Variants in CACNG8 observed in about 807,000 individuals in gnomAD.
CACNG8 encodes calcium voltage-gated channel auxiliary subunit gamma 8.
CACNG8 carries 5 observed loss-of-function variants against 26.9 expected under a neutral mutation model. The ratio of observed to expected loss-of-function variants is 0.19; its 90% CI spans 0.10 to 0.39. The LOEUF (loss-of-function observed/expected upper bound fraction) is 0.39. Ranked by LOEUF, CACNG8 falls within the 10% of genes least tolerant of loss-of-function variation. The probability of loss-of-function intolerance (pLI) is 1.00; values close to 1 mark genes in which losing one functional copy is unlikely to be tolerated. For missense variants in CACNG8, 473 were observed against 609.4 expected, an observed-to-expected ratio of 0.78 and a Z score of 2.36; for synonymous variants, 321 against 296.7, an observed-to-expected ratio of 1.08 and a Z score of -0.84.
chr19:53,982,600 C>A lies in CACNG8; in HGVS notation c.1029C>A (p.Ala343=). ...CGTTCGGCGGCGCGGCCGGGGGCGC[C>A]GGGGGCGGCGGCGGAGGCGGCGGCG... is the stretch of plus-strand genomic sequence containing the variant. Residue 343 remains alanine (A), a synonymous_variant, in exon 4 of 4, where the codon GCC becomes GCA. Transcript: ENST00000270458. The surrounding 1 kb of genome is among the most constrained non-coding windows in gnomAD (Gnocchi z 8.4). The A allele has an allele frequency of 1.0e-6, 1 of 973,700 alleles. No individual in the cohort carries two copies. The highest frequency in any genetic ancestry group is 5.3e-4 in the Middle Eastern group (1 of 1,890). 60.3% of individuals were successfully genotyped at this position (973,700 alleles called of 1,614,324 possible).
chr19:53,973,894 G>C (rs2069316459), intron 1 of CACNG8, among the ~76,000 whole-genome samples: 1 of 152,204 alleles, frequency 6.6e-6, no homozygotes, highest in African/African-American at 2.4e-5. Flanking sequence ...TGGAGGTGCT[G>C]ATGGGTTAAG....
intron 1 of CACNG8, among the ~76,000 whole-genome samples, chr19:53,970,574 GA>G (rs1182578943): frequency 2.0e-5 from 3 of 150,512 alleles, no homozygotes; most frequent in Non-Finnish European, 4.4e-5. Flanking sequence ...GCTGTGAGCT[GA>G]GATGGCGCCA....
chr19:53,975,721 A>G (rs1336962566), intron 1 of CACNG8, among the ~76,000 whole-genome samples: 2 of 152,156 alleles, frequency 1.3e-5, no homozygotes, highest in African/African-American at 2.4e-5. Flanking sequence ...TAAGCACTCA[A>G]TATGCACTAG....
chr19:53,972,967 G>A (rs931534776), intron 1 of CACNG8, among the ~76,000 whole-genome samples: 7 of 152,108 alleles, frequency 4.6e-5, no homozygotes, highest in Admixed American at 1.3e-4. Context: ...AACTCCCTAT[G>A]CCTCCATTTC....
In CACNG8 at chr19:53,980,872, TAC is replaced by T. The variant is rs2069362536; in HGVS notation, c.508+867_508+868del. ...GCAGAGCTTTTTTGGAGGAGTAGAA[TAC>T]AGAGAAGAGGGAGGGCTTTGCATAT... On this transcript the variant is annotated intron_variant, in intron 3 of 3. Transcript: ENST00000270458. Among the ~76,000 whole-genome samples, 3 of 152,052 alleles carry T rather than the reference TAC, an allele frequency of 2.0e-5. No homozygotes were observed. The South Asian group carries it at 6.2e-4, about 32-fold the overall frequency.
intron 1 of CACNG8, among the ~76,000 whole-genome samples, chr19:53,976,761 C>T (rs1452578138): frequency 2.0e-5 from 3 of 152,114 alleles, no homozygotes; most frequent in African/African-American, 7.2e-5. Flanking sequence ...CAACCTCCAC[C>T]TCCTGGGTTC....
chr19:53,987,742 T>C lies in CACNG8; in HGVS notation c.*4893T>C, dbSNP rs1346699992. ...GAGGAACCAAGGCTTCTCTTTTGGA[T>C]GTGTCAAGATAGATCTGCCTTCGAG... On this transcript the variant is annotated 3_prime_UTR_variant, in exon 4 of 4. Transcript: ENST00000270458. 6.6e-6 allele frequency: 1 copy of C among 152,228 alleles called. No individual in the cohort carries two copies. Among genetic ancestry groups the C allele is most frequent in the Non-Finnish European group, 1.5e-5 (1 of 68,056 alleles). 9.4% of individuals were successfully genotyped at this position (152,228 alleles called of 1,614,324 possible). A position where few individuals can be genotyped will look rare whatever the true frequency, so the allele number is the denominator to read the frequency against.
chr19:53,982,829 A>G lies in CACNG8; in HGVS notation c.1258A>G (p.Arg420Gly). 2.2e-6 allele frequency: 3 copies of G among 1,370,516 alleles called. No individual in the cohort carries two copies. The highest frequency in any genetic ancestry group is 2.8e-6 in the Non-Finnish European group (3 of 1,055,340). The allele number at this position is 1,370,516 out of a possible 1,614,324, so 84.9% of individuals were successfully genotyped here. A position where few individuals can be genotyped will look rare whatever the true frequency, so the allele number is the denominator to read the frequency against. The change falls in exon 4 of 4, where the codon AGG becomes GGG. Residue 420 changes from arginine (R) to glycine (G), a missense_variant. Arg to Gly is a moderately radical substitution (Grantham distance 125, BLOSUM62 -2). Transcript: ENST00000270458. This position sits in a 1 kb window ranked among gnomAD's most constrained non-coding sequence, Gnocchi z 8.4. The stretch of plus-strand genomic sequence containing the variant: ...CGCCTCCAACACCAACACGCTCAAC[A>G]GGAAAACCACGCCTGTGTAGGGGCG...
intron 1 of CACNG8, among the ~76,000 whole-genome samples, chr19:53,964,425 C>A (rs993014149): frequency 6.6e-6 from 1 of 152,032 alleles, no homozygotes; most frequent in Non-Finnish European, 1.5e-5. Flanking sequence ...TCTCTCCCAC[C>A]AGGGTGCCCT....
At chr19:53,965,585 G>T (rs180883743) in intron 1 of CACNG8, among the ~76,000 whole-genome samples, 1 of 151,914 alleles carries the variant, frequency 6.6e-6, no homozygotes, top group African/African-American at 2.4e-5. Flanking sequence ...TTCATTCAAC[G>T]TCCCATTTTT....
chr19:53,964,412 A>G (rs754384905), intron 1 of CACNG8, among the ~76,000 whole-genome samples: 2 of 151,522 alleles, frequency 1.3e-5, no homozygotes, highest in Non-Finnish European at 2.9e-5. Flanking sequence ...GCCCCCACCC[A>G]TGTCTCTCCC....
chr19:53,976,743 G>T (rs1485432665), intron 1 of CACNG8, among the ~76,000 whole-genome samples: 1 of 151,822 alleles, frequency 6.6e-6, no homozygotes, highest in African/African-American at 2.4e-5. Flanking sequence ...TGCAGCCTTG[G>T]CTCACTGCAA....
At position 53,982,802 on chromosome 19, in the gene CACNG8, G is replaced by A; in HGVS notation, c.1231G>A (p.Ala411Thr). 7.3e-6 allele frequency: 10 copies of A among 1,368,738 alleles called. No individual in the cohort carries two copies. The highest frequency in any genetic ancestry group is 1.5e-5 in the African/African-American group (1 of 65,750). 84.8% of individuals were successfully genotyped at this position (1,368,738 alleles called of 1,614,324 possible). A position where few individuals can be genotyped will look rare whatever the true frequency, so the allele number is the denominator to read the frequency against. Residue 411 changes from alanine to threonine, a missense_variant, in exon 4 of 4, where the codon GCC (alanine) becomes ACC (threonine). Physicochemically the swap from Ala to Thr is moderately conservative, Grantham distance 58 (BLOSUM62 0). Transcript: ENST00000270458. This position sits in a 1 kb window ranked among gnomAD's most constrained non-coding sequence, Gnocchi z 8.4. ...CCCCGGGACCCTGGCCAAGGAGGCC[G>A]CCGCCTCCAACACCAACACGCTCAA...
At chr19:53,977,510 C>G (rs2069336557) in intron 1 of CACNG8, among the ~76,000 whole-genome samples, 1 of 152,148 alleles carries the variant, frequency 6.6e-6, no homozygotes, top group Admixed American at 6.5e-5. Context: ...CCCTCACACA[C>G]CTCTGCTTGC....
intron 2 of CACNG8, 63 bp from the exon 3 acceptor site, chr19:53,979,804 C>A: frequency 2.0e-6 from 3 of 1,494,608 alleles, no homozygotes; most frequent in Admixed American, 4.2e-5. Context: ...GGGAAGGGGG[C>A]GCAGGCGGCC....
At chr19:53,969,762 A>G (rs2069291492) in intron 1 of CACNG8, among the ~76,000 whole-genome samples, 2 of 152,164 alleles carry the variant, frequency 1.3e-5, no homozygotes, top group Non-Finnish European at 2.9e-5. Flanking sequence ...ATGCAGTAGA[A>G]TGTAATGACT....
chr19:53,972,943 T>C (rs2145936309), intron 1 of CACNG8, among the ~76,000 whole-genome samples: 1 of 152,294 alleles, frequency 6.6e-6, no homozygotes, highest in East Asian at 1.9e-4. Context: ...AATAGGGCTT[T>C]GGGCAACTTC....
chr19:53,978,980 G>A lies in CACNG8; in HGVS notation c.367+751G>A, dbSNP rs1164867153. Among the ~76,000 whole-genome samples the A allele has an allele frequency of 6.6e-5, 9 of 136,828 alleles. No individual in the cohort carries two copies. The East Asian group carries it at 2.1e-3, about 32-fold the overall frequency. The allele number at this position is 136,828 out of a possible 152,430, so 89.8% of individuals were successfully genotyped here. A position where few individuals can be genotyped will look rare whatever the true frequency, so the allele number is the denominator to read the frequency against. ...GGAGAGAGAGACCCAGGAAGATAGA[G>A]GAGGCCAGGCGAAAAAAGGGGTGGG... On this transcript the variant is annotated intron_variant, in intron 2 of 3. Transcript: ENST00000270458.
rs2069427429 is a variant in CACNG8, at chr19:53,989,460, G to GT, written c.*6612dup. ...CCCAGAGATTCGCATAGAAAGCAAC[G>GT]TGGAGACTCAGAAGCAAGCACAGCA... On this transcript the variant is annotated 3_prime_UTR_variant, in exon 4 of 4. Transcript: ENST00000270458. The GT allele has an allele frequency of 6.6e-6, 1 of 152,604 alleles. No homozygotes were observed. Among genetic ancestry groups the GT allele is most frequent in the African/African-American group, 2.4e-5 (1 of 41,344 alleles). 9.5% of individuals were successfully genotyped at this position (152,604 alleles called of 1,614,324 possible).
Sources: gnomAD v4.1 joint callset for allele counts (sites outside exome capture counted in the v4.1 genomes callset) on GRCh38, gnomAD v4.1.1 for gene constraint, Gnocchi (gnomAD v3.1) non-coding constraint, MANE v1.5 for transcripts, NCBI Gene and HGNC (gene_info 2026-07-23, HGNC 2026-07-21) for gene names.